Variants in SPIRE2 observed in about 807,000 individuals in gnomAD.
The protein encoded by SPIRE2 is protein spire homolog 2.
Under a neutral mutation model 80.7 loss-of-function variants are expected in SPIRE2, and 76 were observed. The observed-to-expected ratio is 0.94, with a 90% CI of 0.78 to 1.14. SPIRE2 has a LOEUF of 1.14. Among genes scored for constraint, SPIRE2 ranks in the 50% most tolerant of loss-of-function variants. The pLI, the probability that SPIRE2 is intolerant of heterozygous loss-of-function variation, is 0.00. For synonymous variants in SPIRE2, 535 were observed against 432.6 expected (o/e 1.24, Z -2.94); for missense variants, 1,196 against 1,015.3 (o/e 1.18, Z -2.42).
chr16:89,836,445 C>T (rs759835416), intron 1 of SPIRE2: 43 of 317,878 alleles, frequency 1.4e-4, no homozygotes, highest in Non-Finnish European at 2.3e-4. Context: ...TATTTCCTTG[C>T]GTCTCTCTCC....
Position 89,828,736 on chromosome 16 carries a change from C to T in SPIRE2, c.186C>T (p.Thr62=), listed in dbSNP as rs1218074634. The change falls in exon 1 of 15, where the codon ACC becomes ACT. Residue 62 remains threonine (T), a synonymous_variant. Coordinates refer to ENST00000378247, the MANE Select transcript of SPIRE2 (RefSeq NM_032451.2). This position sits in a 1 kb window ranked among gnomAD's most constrained non-coding sequence, Gnocchi z 5.9. ...RGSPGRRLRD[T]GDLLLRGDGS... is the part of the protein sequence containing the mutation. ...CGCCGGGCCGGCGCCTGCGGGATAC[C>T]GGGGACCTCCTGCTGCGCGGGGACG... is the stretch of plus-strand genomic sequence containing the variant. 13 of 1,233,988 alleles carry T rather than the reference C, an allele frequency of 1.1e-5. No individual in the cohort carries two copies. Among genetic ancestry groups the T allele is most frequent in the Non-Finnish European group, 1.2e-5 (12 of 985,842 alleles). The allele number at this position is 1,233,988 out of a possible 1,614,324, so 76.4% of individuals were successfully genotyped here. A position where few individuals can be genotyped will look rare whatever the true frequency, so the allele number is the denominator to read the frequency against.
At chr16:89,869,053 A>AAAAAAATATAT in intron 13 of SPIRE2, among the ~76,000 whole-genome samples, 1 of 24,030 alleles carries the variant, frequency 4.2e-5, no homozygotes, top group Admixed American at 6.5e-4. Flanking sequence ...AAAAAAAAAA[A>AAAAAAATATAT]ATATATATAT....
intron 1 of SPIRE2, among the ~76,000 whole-genome samples, chr16:89,834,223 C>CA (rs2041418284): frequency 7.4e-6 from 1 of 135,082 alleles, no homozygotes; most frequent in Non-Finnish European, 1.7e-5. Flanking sequence ...TGCCTGTGCT[C>CA]ACGGTTGGCC....
rs767438443 is a variant in SPIRE2 at position 89,860,674 on chromosome 16, C to G, written c.1463-9C>G. 1.9e-6 allele frequency: 3 copies of G among 1,565,246 alleles called. No homozygotes were observed. The South Asian group carries it at 3.5e-5, about 18-fold the overall frequency. ...AGGCAGTCCTGATGGAGCCTCTGCT[C>G]TCCCCCAGGTACCTGTCCCGCGAGT... On this transcript the variant is annotated splice_polypyrimidine_tract_variant and intron_variant, in intron 9 of 14. Coordinates refer to ENST00000378247, the MANE Select transcript of SPIRE2 (RefSeq NM_032451.2).
At chr16:89,869,726 C>T (rs775385684) in intron 14 of SPIRE2, 44 bp downstream of exon 14, 84 of 1,487,074 alleles carry the variant, frequency 5.6e-5, no homozygotes, top group Non-Finnish European at 7.4e-5. Context: ...GGTGGTCGGG[C>T]GTGAAGAGGA....
chr16:89,869,030 T>TCAAAAAAAAAAAAAAAA (rs2041812889), intron 13 of SPIRE2, among the ~76,000 whole-genome samples: 1 of 16,484 alleles, frequency 6.1e-5, no homozygotes, highest in African/African-American at 8.3e-4. Flanking sequence ...GATCTGTGTC[T>TCAAAAAAAAAAAAAAAA]TAAAAAAAAA....
At chr16:89,858,676 G>A (rs2041715043) in intron 8 of SPIRE2, among the ~76,000 whole-genome samples, 169 bp downstream of exon 8, 1 of 152,214 alleles carries the variant, frequency 6.6e-6, no homozygotes, top group African/African-American at 2.4e-5. Context: ...TGTGGGGATC[G>A]GGGACCCTGC....
Position 89,863,354 on chromosome 16 carries a change from C to T in SPIRE2, c.1576-122C>T, listed in dbSNP as rs996797128. The T allele has an allele frequency of 1.0e-5, 11 of 1,050,076 alleles. No homozygotes were observed. Among genetic ancestry groups the T allele is most frequent in the Non-Finnish European group, 1.5e-5 (11 of 730,788 alleles). The allele number at this position is 1,050,076 out of a possible 1,614,324, so 65.0% of individuals were successfully genotyped here. A position where few individuals can be genotyped will look rare whatever the true frequency, so the allele number is the denominator to read the frequency against. Reference sequence around the variant, plus strand: ...GATGGACAAGATGGCTGATGGACAGCGTTTTAGAAGGTCGCAGGCTTGTTT... The same window carrying T: ...GATGGACAAGATGGCTGATGGACAGTGTTTTAGAAGGTCGCAGGCTTGTTT... On this transcript the variant is annotated intron_variant, in intron 10 of 14. Transcript: ENST00000378247. The surrounding 1 kb of genome is among the most constrained non-coding windows in gnomAD (Gnocchi z 4.3).
intron 2 of SPIRE2, among the ~76,000 whole-genome samples, chr16:89,849,503 A>G (rs1009818641): frequency 1.9e-4 from 29 of 152,352 alleles, no homozygotes; most frequent in Admixed American, 1.7e-3. Flanking sequence ...AAGCGAAACT[A>G]TGAGAACCCT....
At position 89,828,655 on chromosome 16, in the gene SPIRE2, C is replaced by G. The variant is rs1255047360; in HGVS notation, c.105C>G (p.Leu35=). ...TGCTGAAGGCCTACGAGCAGCCGCT[C>G]AACGAGGAGCAGGCGTGGGCCGTGT... ...EEVLKAYEQP[L]NEEQAWAVCF... The change falls in exon 1 of 15, where the codon CTC becomes CTG. Residue 35 remains leucine (L), a synonymous_variant. Transcript: ENST00000378247. This position sits in a 1 kb window ranked among gnomAD's most constrained non-coding sequence, Gnocchi z 5.9. 3.7e-5 allele frequency: 51 copies of G among 1,370,622 alleles called. No individual in the cohort carries two copies. The East Asian group carries it at 1.6e-3, about 44-fold the overall frequency. The allele number at this position is 1,370,622 out of a possible 1,614,324, so 84.9% of individuals were successfully genotyped here.
chr16:89,858,379 G>A lies in SPIRE2; in HGVS notation c.1144G>A (p.Asp382Asn), dbSNP rs2041711762. 6 of 1,611,726 alleles carry A rather than the reference G, an allele frequency of 3.7e-6. No individual in the cohort carries two copies. The South Asian group carries it at 5.5e-5, about 15-fold the overall frequency. ...LPCILNACSG[D>N]AKSTSCINLS... is the part of the protein sequence containing the mutation. ...CTGCATCCTCAACGCCTGCTCCGGA[G>A]ATGCCAAGTCCACCTCCTGCATCAA... Residue 382 changes from aspartate (D) to asparagine (N), a missense_variant, in exon 8 of 15, where the codon GAT (aspartate) becomes AAT (asparagine). Asp to Asn is a conservative substitution (Grantham distance 23, BLOSUM62 1). Transcript: ENST00000378247.
In SPIRE2 at chr16:89,863,567, T is replaced by G. The variant is rs746645306; in HGVS notation, c.1667T>G (p.Phe556Cys). 2 of 1,613,994 alleles carry G rather than the reference T, an allele frequency of 1.2e-6. No homozygotes were observed. The highest frequency in any genetic ancestry group is 3.3e-5 in the Admixed American group (2 of 60,004). Reference sequence around the variant, plus strand: ...CTGGTGAAGGCCGAGATGGAAAAGTTTTTGCAGAACAAGGAGCTCTTCAGC... The same window carrying G: ...CTGGTGAAGGCCGAGATGGAAAAGTGTTTGCAGAACAAGGAGCTCTTCAGC... ...RVLVKAEMEKFLQNKELFSSL... is the reference protein window; with the variant it reads ...RVLVKAEMEKCLQNKELFSSL... The change falls in exon 11 of 15, where the codon TTT becomes TGT. Residue 556 changes from phenylalanine (F) to cysteine (C), a missense_variant. Physicochemically the swap from Phe to Cys is radical, Grantham distance 205 (BLOSUM62 -2). Coordinates refer to ENST00000378247, the MANE Select transcript of SPIRE2 (RefSeq NM_032451.2). The surrounding 1 kb of genome is among the most constrained non-coding windows in gnomAD (Gnocchi z 4.3).
chr16:89,838,519 C>T (rs905095440), intron 1 of SPIRE2, among the ~76,000 whole-genome samples: 2 of 152,046 alleles, frequency 1.3e-5, no homozygotes, highest in Non-Finnish European at 2.9e-5. Flanking sequence ...TTCTCTGTTT[C>T]ATCAGCGGGA....
intron 7 of SPIRE2, among the ~76,000 whole-genome samples, chr16:89,857,818 C>A (rs1323808673): frequency 6.6e-6 from 1 of 151,596 alleles, no homozygotes; most frequent in Non-Finnish European, 1.5e-5. Context: ...GATCCACCCG[C>A]ATCAGCCTCC....
Position 89,863,581 on chromosome 16 carries a change from G to A in SPIRE2, c.1681G>A (p.Glu561Lys), listed in dbSNP as rs575745601. ...GATGGAAAAGTTTTTGCAGAACAAG[G>A]AGCTCTTCAGCAGTCTGAAGAAGGG... ...AEMEKFLQNK[E>K]LFSSLKKGKI... The change falls in exon 11 of 15, where the codon GAG (glutamate) becomes AAG (lysine). Residue 561 changes from glutamate to lysine, a missense_variant. Glu to Lys is a moderately conservative substitution (Grantham distance 56). Coordinates refer to ENST00000378247, the MANE Select transcript of SPIRE2 (RefSeq NM_032451.2). The surrounding 1 kb of genome is among the most constrained non-coding windows in gnomAD (Gnocchi z 4.3). The A allele has an allele frequency of 6.2e-7, 1 of 1,614,122 alleles. No homozygotes were observed. The highest frequency in any genetic ancestry group is 2.2e-5 in the East Asian group (1 of 44,884).
intron 12 of SPIRE2, among the ~76,000 whole-genome samples, chr16:89,865,746 A>G (rs972294948): frequency 1.3e-5 from 2 of 152,062 alleles, no homozygotes; most frequent in Non-Finnish European, 2.9e-5. Context: ...ACGCTGGCAG[A>G]TCACGAGGTC....
At position 89,850,468 on chromosome 16, in the gene SPIRE2, T is replaced by A. The variant is rs1414917597; in HGVS notation, c.453T>A (p.Gly151=). ...GTGCCGCCGATGAGGGCTACGGGGG[T>A]CCCGAGGAGGAGGAGGAGGCCGAGG... is the stretch of plus-strand genomic sequence containing the variant. ...GCGAADEGYG[G]PEEEEEAEGV... is the part of the protein sequence containing the mutation. The change falls in exon 3 of 15, where the codon GGT becomes GGA. Residue 151 remains glycine, a synonymous_variant. Transcript: ENST00000378247. The A allele has an allele frequency of 3.2e-6, 5 of 1,549,598 alleles. No individual in the cohort carries two copies. The highest frequency in any genetic ancestry group is 4.4e-6 in the Non-Finnish European group (5 of 1,148,626).
At position 89,843,938 on chromosome 16, in the gene SPIRE2, T is replaced by C. The variant is rs1053298936; in HGVS notation, c.245-1384T>C. Among the ~76,000 whole-genome samples the C allele has an allele frequency of 1.6e-4, 24 of 147,866 alleles. 1 individual carries two copies. The Middle Eastern group carries it at 0.014, about 87-fold the overall frequency. On this transcript the variant is annotated intron_variant, in intron 1 of 14. Transcript: ENST00000378247. Reference sequence around the variant, plus strand: ...CTGGTCTCAAACTCCTAATCTTAAGTGATCCACCCGCCGTGGCACCTCAAA... The same window carrying C: ...CTGGTCTCAAACTCCTAATCTTAAGCGATCCACCCGCCGTGGCACCTCAAA...
chr16:89,858,543 G>C, intron 8 of SPIRE2, 36 bp downstream of exon 8: 2 of 1,506,288 alleles, frequency 1.3e-6, no homozygotes, highest in East Asian at 2.4e-5. Context: ...AAGAGACCAG[G>C]AATGGGAGGA....
Sources: allele counts gnomAD v4.1 joint callset (sites outside exome capture counted in the v4.1 genomes callset), GRCh38; gene constraint gnomAD v4.1.1; non-coding constraint Gnocchi (gnomAD v3.1); transcripts MANE v1.5; gene names NCBI Gene and HGNC (gene_info 2026-07-23, HGNC 2026-07-21).